The following FYB1 variants were observed in gnomAD, a reference collection of about 807,000 sequenced individuals.
FYB1 encodes the protein FYN binding protein 1.
FYB1 carries 41 observed loss-of-function variants against 94.1 expected under a neutral mutation model. The ratio of observed to expected loss-of-function variants is 0.44; its 90% CI spans 0.34 to 0.57. FYB1 has a LOEUF of 0.57. Among genes scored for constraint, FYB1 ranks in the 20% least tolerant of loss-of-function variants. FYB1 has a pLI of 0.02. For synonymous variants in FYB1, 367 were observed against 353.2 expected, an observed-to-expected ratio of 1.04 and a Z score of -0.44; for missense variants, 1,050 against 976.8, an observed-to-expected ratio of 1.07 and a Z score of -1.00.
At chr5:39,191,366 T>C (rs973281469) in intron 2 of FYB1, among the ~76,000 whole-genome samples, 3 of 152,224 alleles carry the variant, frequency 2.0e-5, no homozygotes, top group African/African-American at 7.2e-5. Flanking sequence ...GCCGTTGTGG[T>C]GTGCAGTCGT....
intron 17 of FYB1, among the ~76,000 whole-genome samples, chr5:39,109,571 C>T (rs556734994): frequency 3.0e-4 from 46 of 152,184 alleles, no homozygotes; most frequent in African/African-American, 1.1e-3. Flanking sequence ...ACTAGTTTGC[C>T]AGCAAAGCTC....
intron 14 of FYB1, among the ~76,000 whole-genome samples, chr5:39,122,129 T>C (rs969876906): frequency 6.7e-6 from 1 of 149,248 alleles, no homozygotes; most frequent in African/African-American, 2.5e-5. Flanking sequence ...GGGGTGGAGG[T>C]GGGGGCAAAG....
chr5:39,251,771 A>G (rs1751721078), intron 1 of FYB1, among the ~76,000 whole-genome samples: 1 of 152,178 alleles, frequency 6.6e-6, no homozygotes, highest in African/African-American at 2.4e-5. Context: ...AGAAGCAATG[A>G]GGGAAGGAAT....
At chr5:39,224,229 C>G (rs573662548), upstream of FYB1, among the ~76,000 whole-genome samples, 62 of 152,304 alleles carry the variant, frequency 4.1e-4, 1 homozygote, top group South Asian at 5.0e-3. Flanking sequence ...ATAAAAGCCT[C>G]CAGTGACTTA....
rs1433692804 is a variant in FYB1, at chr5:39,202,380, G to C, written c.581C>G (p.Pro194Arg). ...CGGCTTCTGGCCAAAGGCGGGTTTGGGGAAGAGGGGCTTGGGTTCAAGATC... is the reference window on the plus strand; with the variant it reads ...CGGCTTCTGGCCAAAGGCGGGTTTGCGGAAGAGGGGCTTGGGTTCAAGATC... The part of the protein sequence containing the change: ...SQDLEPKPLF[P>R]KPAFGQKPPL... The change falls in exon 2 of 19, where the codon CCC becomes CGC. Residue 194 changes from proline (P) to arginine (R), a missense_variant. Transcript: ENST00000512982. 1 of 1,613,930 alleles carries C rather than the reference G, an allele frequency of 6.2e-7. No individual in the cohort carries two copies. The highest frequency in any genetic ancestry group is 8.5e-7 in the Non-Finnish European group (1 of 1,179,890).
chr5:39,244,475 T>C (rs182824261), intron 1 of FYB1, among the ~76,000 whole-genome samples: 52 of 152,300 alleles, frequency 3.4e-4, no homozygotes, highest in African/African-American at 1.2e-3. Context: ...CAGCCTTGCA[T>C]CCCAGGGATG....
intron 16 of FYB1, among the ~76,000 whole-genome samples, chr5:39,116,849 A>G (rs2150272245): frequency 1.3e-5 from 2 of 152,248 alleles, no homozygotes; most frequent in East Asian, 3.9e-4. Context: ...TAAGCAAAAA[A>G]AAAAAGAATG....
rs139171492 is a variant in FYB1 at position 39,146,049 on chromosome 5, A to T, written c.1293-4908T>A. Among the ~76,000 whole-genome samples, 438 of 151,678 alleles carry T rather than the reference A, an allele frequency of 2.9e-3. 2 individuals are homozygous for T. Among genetic ancestry groups the T allele is most frequent in the African/African-American group, 0.01 (430 of 41,320 alleles). ...TGCCTCAGCCTCCCAGGTAGCTGGG[A>T]TTCTACAGATGCCTGCCACCATGCC... is the stretch of plus-strand genomic sequence containing the variant. On this transcript the variant is annotated intron_variant, in intron 3 of 18. Coordinates refer to ENST00000512982, the MANE Select transcript of FYB1 (RefSeq NM_001465.6).
chr5:39,141,150 G>T lies in FYB1; in HGVS notation c.1293-9C>A. On this transcript the variant is annotated splice_polypyrimidine_tract_variant and intron_variant, in intron 3 of 18. Transcript: ENST00000512982. ...CTTCATTGACAGGGCTTCTGAAAAC[G>T]AGAAAGAAGAAACAGTGAACATGGA... 1.9e-6 allele frequency: 3 copies of T among 1,578,666 alleles called. No homozygotes were observed. The highest frequency in any genetic ancestry group is 2.3e-5 in the South Asian group (2 of 86,750).
intron 1 of FYB1, among the ~76,000 whole-genome samples, chr5:39,251,868 G>C (rs896685153): frequency 6.6e-6 from 1 of 152,156 alleles, no homozygotes; most frequent in Non-Finnish European, 1.5e-5. Context: ...TATAGGGCCG[G>C]GTGCAGCGGC....
intron 2 of FYB1, among the ~76,000 whole-genome samples, chr5:39,182,311 G>GCA (rs1746328566): frequency 7.1e-5 from 2 of 28,262 alleles, no homozygotes; most frequent in African/African-American, 1.8e-4. Flanking sequence ...GTGTGTGTGT[G>GCA]TGTGTGTGTG....
At chr5:39,204,848 T>C (rs1369672299) in intron 1 of FYB1, among the ~76,000 whole-genome samples, 1 of 152,212 alleles carries the variant, frequency 6.6e-6, no homozygotes, top group Non-Finnish European at 1.5e-5. Flanking sequence ...ACTTGAATTT[T>C]GTAACTTTAA....
intron 1 of FYB1, among the ~76,000 whole-genome samples, chr5:39,263,688 T>C (rs527505468): frequency 6.6e-6 from 1 of 152,300 alleles, no homozygotes; most frequent in African/African-American, 2.4e-5. Context: ...AGTTTATTTA[T>C]TTTCACATCT....
chr5:39,250,483 G>T (rs550217451), intron 1 of FYB1, among the ~76,000 whole-genome samples: 1 of 152,282 alleles, frequency 6.6e-6, no homozygotes, highest in East Asian at 1.9e-4. Flanking sequence ...ACATTATCCA[G>T]AATAGATTTT....
At chr5:39,261,364 A>ACACACG (rs1404885170) in intron 1 of FYB1, among the ~76,000 whole-genome samples, 1 of 151,396 alleles carries the variant, frequency 6.6e-6, no homozygotes, top group African/African-American at 2.4e-5. Context: ...ACACACACAC[A>ACACACG]CACACACAAA....
At chr5:39,194,826 C>T (rs1460194306) in intron 2 of FYB1, among the ~76,000 whole-genome samples, 1 of 152,140 alleles carries the variant, frequency 6.6e-6, no homozygotes, top group Non-Finnish European at 1.5e-5. Context: ...TAAGTGTGTT[C>T]CTCAGACACG....
Position 39,106,189 on chromosome 5 carries a change from T to TCTAA in FYB1, c.*1250_*1253dup, listed in dbSNP as rs1291366793. ...TGAAGAGTTGGAAAAACTTACTTAG[T>TCTAA]CTAATATTGTAATTTACAGATAAGG... On this transcript the variant is annotated 3_prime_UTR_variant, in exon 19 of 19. Coordinates refer to ENST00000512982, the MANE Select transcript of FYB1 (RefSeq NM_001465.6). The TCTAA allele has an allele frequency of 1.3e-5, 2 of 152,144 alleles. No homozygotes were observed. The highest frequency in any genetic ancestry group is 3.9e-4 in the East Asian group (2 of 5,194). The allele number at this position is 152,144 out of a possible 1,614,324, so 9.4% of individuals were successfully genotyped here.
intron 2 of FYB1, among the ~76,000 whole-genome samples, chr5:39,165,926 A>G (rs1744686524): frequency 6.6e-6 from 1 of 152,240 alleles, no homozygotes; most frequent in Admixed American, 6.5e-5. Flanking sequence ...CCGCAATGAG[A>G]TATCATCGTA....
At chr5:39,128,958 A>G (rs1740927952) in intron 10 of FYB1, among the ~76,000 whole-genome samples, 1 of 152,142 alleles carries the variant, frequency 6.6e-6, no homozygotes, top group Admixed American at 6.6e-5. Context: ...GTCATCTTTC[A>G]CAGAATAGGA....
Sources: allele counts gnomAD v4.1 joint callset (sites outside exome capture counted in the v4.1 genomes callset), GRCh38; gene constraint gnomAD v4.1.1; transcripts MANE v1.5; gene names NCBI Gene and HGNC (gene_info 2026-07-23, HGNC 2026-07-21).